The following DCC variants were observed in gnomAD, a reference collection of about 807,000 sequenced individuals.
The protein encoded by DCC is DCC netrin 1 receptor.
Under a neutral mutation model 172.5 loss-of-function variants are expected in DCC, and 58 were observed. The observed-to-expected ratio is 0.34, with a 90% CI of 0.27 to 0.42. The LOEUF (loss-of-function observed/expected upper bound fraction) is 0.42, where lower values mean the gene tolerates loss of function less well. Among genes scored for constraint, DCC ranks in the 10% least tolerant of loss-of-function variants. The pLI, the probability that DCC is intolerant of heterozygous loss-of-function variation, is 1.00. For synonymous variants in DCC, 709 were observed against 644.5 expected, an observed-to-expected ratio of 1.10 and a Z score of -1.52; for missense variants, 1,740 against 1,791.0, an observed-to-expected ratio of 0.97 and a Z score of 0.51.
At chr18:53,459,184 G>A in intron 23 of DCC, 48 bp from the exon 24 acceptor site, 1 of 1,367,354 alleles carries the variant, frequency 7.3e-7, no homozygotes, top group African/African-American at 1.4e-5. Flanking sequence ...GAAAGGAAGT[G>A]CCATTGAATA....
intron 1 of DCC, among the ~76,000 whole-genome samples, chr18:52,749,146 C>T (rs867817218): frequency 5.3e-5 from 8 of 151,996 alleles, no homozygotes; most frequent in South Asian, 4.2e-4. Context: ...GAGCCAAGAT[C>T]GCATCACTGC....
intron 8 of DCC, among the ~76,000 whole-genome samples, chr18:53,172,603 T>A (rs1192485472): frequency 6.6e-6 from 1 of 151,886 alleles, no homozygotes; most frequent in Non-Finnish European, 1.5e-5. Context: ...AAGCTGTCCT[T>A]CCTTATACAT....
At position 53,289,910 on chromosome 18, in the gene DCC, A is replaced by C. The variant is rs552688034; in HGVS notation, c.1912-15668A>C. Among the ~76,000 whole-genome samples, 14 of 152,302 alleles carry C rather than the reference A, an allele frequency of 9.2e-5. 1 individual carries two copies. The East Asian group carries it at 1.2e-3, about 13-fold the overall frequency. On this transcript the variant is annotated intron_variant, in intron 12 of 28. Transcript: ENST00000442544. Reference sequence around the variant, plus strand: ...TTTTCCTAAAAATTTTCTCTTTTTCAGAAAATGGGAATGGATTTTAGATTT... The same window carrying C: ...TTTTCCTAAAAATTTTCTCTTTTTCCGAAAATGGGAATGGATTTTAGATTT...
chr18:53,005,743 A>G (rs900325297), intron 5 of DCC, among the ~76,000 whole-genome samples: 10 of 152,222 alleles, frequency 6.6e-5, no homozygotes, highest in Admixed American at 4.6e-4. Flanking sequence ...CAGAGAAGAA[A>G]AGAAAGAATC....
At chr18:53,037,641 A>G (rs560873033) in intron 5 of DCC, among the ~76,000 whole-genome samples, 3 of 152,120 alleles carry the variant, frequency 2.0e-5, no homozygotes, top group East Asian at 1.9e-4. Context: ...AGAAAGTTCA[A>G]TGAATAGGTA....
At chr18:52,784,639 G>A (rs2037617868) in intron 2 of DCC, among the ~76,000 whole-genome samples, 1 of 151,880 alleles carries the variant, frequency 6.6e-6, no homozygotes, top group Non-Finnish European at 1.5e-5. Context: ...TCTCATTGTG[G>A]TTCTCATTGT....
chr18:53,505,024 CCTAAAAGG>C (rs988258027), intron 27 of DCC, among the ~76,000 whole-genome samples: 5 of 152,074 alleles, frequency 3.3e-5, no homozygotes, highest in Non-Finnish European at 5.9e-5. Context: ...TTTTTCCCCC[CCTAAAAGG>C]GGTCTTCTAG....
At chr18:52,738,298 G>T (rs1482501973) in intron 1 of DCC, among the ~76,000 whole-genome samples, 2 of 152,136 alleles carry the variant, frequency 1.3e-5, no homozygotes, top group Non-Finnish European at 2.9e-5. Context: ...ACATCATAGA[G>T]TGTCCTCACA....
chr18:53,173,935 C>A (rs2144455388), intron 8 of DCC, among the ~76,000 whole-genome samples: 1 of 105,146 alleles, frequency 9.5e-6, no homozygotes, highest in East Asian at 2.6e-4. Flanking sequence ...GGAAGTAAAG[C>A]TCTCCTCAGC....
chr18:53,126,146 G>A (rs2043552633), intron 7 of DCC, among the ~76,000 whole-genome samples: 1 of 152,012 alleles, frequency 6.6e-6, no homozygotes, highest in Non-Finnish European at 1.5e-5. Flanking sequence ...CAATAGTATG[G>A]GTGAGTTCAA....
chr18:53,129,115 G>T (rs915866651), intron 7 of DCC, among the ~76,000 whole-genome samples: 2 of 151,720 alleles, frequency 1.3e-5, no homozygotes, highest in Non-Finnish European at 2.9e-5. Context: ...TCAAACTCCT[G>T]ACCTCAAGTG....
intron 1 of DCC, among the ~76,000 whole-genome samples, chr18:52,370,368 A>G (rs146905048): frequency 0.025 from 3,756 of 152,334 alleles, 69 homozygotes; most frequent in African/African-American, 0.049. Context: ...AAAATGTGGT[A>G]CATATACACC....
chr18:53,084,493 G>C (rs574502809), intron 7 of DCC, among the ~76,000 whole-genome samples: 2 of 152,134 alleles, frequency 1.3e-5, no homozygotes, highest in Non-Finnish European at 2.9e-5. Context: ...TGCAGGATAT[G>C]AGTTGCTGCT....
chr18:52,991,312 T>A (rs1239086800), intron 5 of DCC, among the ~76,000 whole-genome samples: 1 of 152,178 alleles, frequency 6.6e-6, no homozygotes, highest in Non-Finnish European at 1.5e-5. Context: ...CTGCAAACTT[T>A]TTAGAAGTAT....
At chr18:53,410,899 A>G (rs1290660186) in intron 20 of DCC, among the ~76,000 whole-genome samples, 4 of 152,124 alleles carry the variant, frequency 2.6e-5, no homozygotes, top group Non-Finnish European at 5.9e-5. Context: ...TATTGATGTC[A>G]TGTATATTGG....
intron 2 of DCC, among the ~76,000 whole-genome samples, chr18:52,859,820 T>C (rs2039111409): frequency 6.6e-6 from 1 of 152,152 alleles, no homozygotes; most frequent in South Asian, 2.1e-4. Context: ...AGTTCCTACT[T>C]TGAAACTTCA....
chr18:53,026,172 TATTG>T (rs1289700754), intron 5 of DCC, among the ~76,000 whole-genome samples: 1 of 152,112 alleles, frequency 6.6e-6, no homozygotes, highest in African/African-American at 2.4e-5. Context: ...TTTTGGAAGA[TATTG>T]ATATTTAATT....
intron 5 of DCC, among the ~76,000 whole-genome samples, chr18:53,042,162 A>T (rs1354706293): frequency 6.6e-6 from 1 of 151,898 alleles, no homozygotes; most frequent in Non-Finnish European, 1.5e-5. Context: ...AGATCTTATT[A>T]TTTTGAGATA....
At chr18:53,133,172 T>G (rs1312411022) in intron 7 of DCC, among the ~76,000 whole-genome samples, 1 of 152,238 alleles carries the variant, frequency 6.6e-6, no homozygotes, top group Non-Finnish European at 1.5e-5. Flanking sequence ...ACGGCAGTTA[T>G]GAAATCTGAC....
Sources: gnomAD v4.1 joint callset for allele counts (sites outside exome capture counted in the v4.1 genomes callset) on GRCh38, gnomAD v4.1.1 for gene constraint, MANE v1.5 for transcripts, NCBI Gene and HGNC (gene_info 2026-07-23, HGNC 2026-07-21) for gene names.